KDR: variants seen among roughly 807,000 people sequenced by gnomAD.
KDR encodes kinase insert domain receptor, also known as vascular endothelial growth factor receptor 2.
A neutral mutation model predicts 160.9 loss-of-function variants in KDR; 43 were observed. The observed-to-expected ratio is 0.27, with a 90% confidence interval of 0.21 to 0.34. The LOEUF (loss-of-function observed/expected upper bound fraction) is 0.34. Among genes scored for constraint, KDR ranks in the 10% least tolerant of loss-of-function variants. The probability of loss-of-function intolerance (pLI) is 1.00; values close to 1 mark genes in which losing one functional copy is unlikely to be tolerated. For missense variants in KDR, 1,469 were observed against 1,666.4 expected (o/e 0.88, Z 2.06); for synonymous variants, 617 against 600.1 (o/e 1.03, Z -0.41).
At chr4:55,119,107 G>A (rs1380221305) in intron 2 of KDR, among the ~76,000 whole-genome samples, 3 of 152,080 alleles carry the variant, frequency 2.0e-5, no homozygotes, top group Non-Finnish European at 4.4e-5. Context: ...TACTCAGGAG[G>A]CTGAGGCATG....
At chr4:55,084,143 T>G (rs1057471631) in intron 27 of KDR, among the ~76,000 whole-genome samples, 1 of 152,210 alleles carries the variant, frequency 6.6e-6, no homozygotes, top group African/African-American at 2.4e-5. Flanking sequence ...TTTGAGGAAC[T>G]TATCCAAAAT....
chr4:55,125,449 G>A lies in KDR; in HGVS notation c.-156C>T, dbSNP rs896357396. ...GCTAGGGAGCCCGGGCGCCGACCGCGGCTGCAGGGGCGTCTGCGGGTGCCG... is the reference window on the plus strand; with the variant it reads ...GCTAGGGAGCCCGGGCGCCGACCGCAGCTGCAGGGGCGTCTGCGGGTGCCG... On this transcript the variant is annotated 5_prime_UTR_variant, in exon 1 of 30. Transcript: ENST00000263923. The A allele has an allele frequency of 1.5e-5, 13 of 839,644 alleles. No individual in the cohort carries two copies. The highest frequency in any genetic ancestry group is 3.4e-5 in the African/African-American group (2 of 58,862). 52.0% of individuals were successfully genotyped at this position (839,644 alleles called of 1,614,324 possible).
intron 1 of KDR, among the ~76,000 whole-genome samples, chr4:55,123,172 T>G (rs1434762988): frequency 6.6e-6 from 1 of 152,128 alleles, no homozygotes; most frequent in Non-Finnish European, 1.5e-5. Flanking sequence ...TCCCACTTTG[T>G]CTAAGAAAAG....
In KDR at chr4:55,079,001, C is replaced by T. The variant is rs1159446382; in HGVS notation, c.*940G>A. 4.3e-6 allele frequency: 1 copy of T among 233,192 alleles called. No homozygotes were observed. The allele number at this position is 233,192 out of a possible 1,614,324, so 14.4% of individuals were successfully genotyped here. On this transcript the variant is annotated 3_prime_UTR_variant, in exon 30 of 30. Transcript: ENST00000263923. ...AACTTTGACACCACACACAGCTTCA[C>T]ATTGAACCTCCCGCATTCAGTCTCA...
Position 55,104,051 on chromosome 4 carries a change from T to TACAG in KDR, c.1987+588_1987+591dup, listed in dbSNP as rs1181461873. ...TGGATCATGTGGGATGACCCAGAGG[T>TACAG]ACAGACAGTGAATGTAGCTTCCTTC... On this transcript the variant is annotated intron_variant, in intron 13 of 29. Coordinates refer to ENST00000263923, the MANE Select transcript of KDR (RefSeq NM_002253.4). Among the ~76,000 whole-genome samples the TACAG allele has an allele frequency of 2.0e-5, 3 of 152,142 alleles. No homozygotes were observed. The East Asian group carries it at 5.8e-4, about 29-fold the overall frequency.
At chr4:55,124,188 G>A (rs764464216) in intron 1 of KDR, among the ~76,000 whole-genome samples, 14 of 152,050 alleles carry the variant, frequency 9.2e-5, no homozygotes, top group Non-Finnish European at 1.5e-4. Context: ...GTCTTAGGGA[G>A]TAAGAAATTT....
intron 9 of KDR, 46 bp from the exon 10 acceptor site, chr4:55,107,939 GA>G (rs1640892384): frequency 6.2e-7 from 1 of 1,606,310 alleles, no homozygotes; most frequent in African/African-American, 1.3e-5. Context: ...CAGCTTTGAA[GA>G]ATGGGAAATA....
At chr4:55,088,478 A>G (rs1336937333) in intron 26 of KDR, among the ~76,000 whole-genome samples, 1 of 152,200 alleles carries the variant, frequency 6.6e-6, no homozygotes, top group East Asian at 1.9e-4. Context: ...TGATACCAAG[A>G]CAGAAACCAT....
At chr4:55,119,774 G>A (rs1466739974) in intron 2 of KDR, among the ~76,000 whole-genome samples, 1 of 152,110 alleles carries the variant, frequency 6.6e-6, no homozygotes, top group Non-Finnish European at 1.5e-5. Context: ...ACCTTGTAAG[G>A]ACCTCGCATT....
At chr4:55,095,887 C>A (rs1179021094) in intron 19 of KDR, among the ~76,000 whole-genome samples, 1 of 152,120 alleles carries the variant, frequency 6.6e-6, no homozygotes, top group Admixed American at 6.5e-5. Context: ...AGAAAACCCA[C>A]CCATCTACTT....
At position 55,105,835 on chromosome 4, in the gene KDR, T is replaced by C. The variant is rs751302343; in HGVS notation, c.1642A>G (p.Thr548Ala). 1 of 1,584,934 alleles carries C rather than the reference T, an allele frequency of 6.3e-7. No individual in the cohort carries two copies. The highest frequency in any genetic ancestry group is 8.7e-7 in the Non-Finnish European group (1 of 1,153,456). The change falls in exon 12 of 30, where the codon ACC (threonine) becomes GCC (alanine). Residue 548 changes from threonine to alanine, a missense_variant. Physicochemically the swap from Thr to Ala is moderately conservative, Grantham distance 58 (BLOSUM62 0). This residue lies in a region of KDR where 792 missense variants were observed against 840.9 expected (regional missense o/e 0.94). Coordinates refer to ENST00000263923, the MANE Select transcript of KDR (RefSeq NM_002253.4). ...RGERVISFHV[T>A]RGPEITLQPD... ...ACCTCCAGAGAAGAGTACTTACTGG[T>C]CACGTGGAAGGAGATCACCCTCTCT...
intron 16 of KDR, 148 bp from the exon 17 acceptor site, chr4:55,098,420 G>A: frequency 9.9e-7 from 1 of 1,007,774 alleles, no homozygotes. Context: ...TTATAACCCT[G>A]CTTCTAGTTT....
chr4:55,079,652 T>A lies in KDR; in HGVS notation c.*289A>T, dbSNP rs1316112710. On this transcript the variant is annotated 3_prime_UTR_variant, in exon 30 of 30. Transcript: ENST00000263923. ...TGGGGCCATTTCTTGAACGTCTTTG[T>A]TCTAAACCCATGGTGAGACCCGCAG... The A allele has an allele frequency of 4.1e-6, 2 of 487,606 alleles. No homozygotes were observed. Among genetic ancestry groups the A allele is most frequent in the Non-Finnish European group, 7.5e-6 (2 of 266,930 alleles). 30.2% of individuals were successfully genotyped at this position (487,606 alleles called of 1,614,324 possible).
chr4:55,078,950 G>A lies in KDR; in HGVS notation c.*991C>T, dbSNP rs1230384441. 1.3e-5 allele frequency: 3 copies of A among 233,146 alleles called. No homozygotes were observed. The highest frequency in any genetic ancestry group is 2.5e-5 in the Non-Finnish European group (3 of 118,088). 14.4% of individuals were successfully genotyped at this position (233,146 alleles called of 1,614,324 possible). ...GAGAGTGGGTTGGGGACAGGGGGAA[G>A]AACAAAAGGGTAAAATCCTTCCTGA... On this transcript the variant is annotated 3_prime_UTR_variant, in exon 30 of 30. Coordinates refer to ENST00000263923, the MANE Select transcript of KDR (RefSeq NM_002253.4).
intron 14 of KDR, 107 bp from the exon 15 acceptor site, chr4:55,102,135 T>A: frequency 1.3e-6 from 2 of 1,507,460 alleles, no homozygotes; most frequent in South Asian, 2.3e-5. Context: ...TGTTCTATTA[T>A]CTAACTCTGT....
At chr4:55,113,935 G>T (rs1188655393) in intron 6 of KDR, among the ~76,000 whole-genome samples, 191 bp downstream of exon 6, 1 of 152,180 alleles carries the variant, frequency 6.6e-6, no homozygotes, top group Non-Finnish European at 1.5e-5. Flanking sequence ...TCACCTTTTG[G>T]TGGGTGCTAT....
chr4:55,119,750 A>G (rs1056462666), intron 2 of KDR, among the ~76,000 whole-genome samples: 1 of 152,182 alleles, frequency 6.6e-6, no homozygotes, highest in Non-Finnish European at 1.5e-5. Flanking sequence ...AGGTGCAAGT[A>G]AGAGTCCCTC....
chr4:55,103,005 G>A (rs541228779), intron 13 of KDR, among the ~76,000 whole-genome samples: 10 of 152,228 alleles, frequency 6.6e-5, no homozygotes, highest in South Asian at 2.1e-4. Flanking sequence ...GACTGTTAGC[G>A]TTATCTCACA....
intron 15 of KDR, among the ~76,000 whole-genome samples, chr4:55,099,988 C>T (rs1452055980): frequency 6.6e-6 from 1 of 152,142 alleles, no homozygotes; most frequent in East Asian, 1.9e-4. Context: ...TGCAGATGCT[C>T]AGGGCTTCAG....
Sources: allele counts gnomAD v4.1 joint callset (sites outside exome capture counted in the v4.1 genomes callset), GRCh38; gene constraint gnomAD v4.1.1; regional missense constraint gnomAD v4.1.1; transcripts MANE v1.5; gene names NCBI Gene and HGNC (gene_info 2026-07-23, HGNC 2026-07-21).